Variants in CIRSR observed in about 807,000 individuals in gnomAD.
The protein encoded by CIRSR is corepressor of RBPJ and splicing regulator.
chr2:174,380,454 A>C, the CIRSR span, among the ~76,000 whole-genome samples: 1 of 152,180 alleles, frequency 6.6e-6, no homozygotes, highest in Non-Finnish European at 1.5e-5. Flanking sequence ...TGTGATATTA[A>C]AAAAATGAAA....
At chr2:174,378,891 C>A in the CIRSR span, 43 of 1,435,694 alleles carry the variant, frequency 3.0e-5, no homozygotes, top group South Asian at 4.9e-4. Context: ...CTTGTTTGTC[C>A]TCTCCCGAAA....
At chr2:174,388,719 T>C in the CIRSR span, among the ~76,000 whole-genome samples, 1 of 152,018 alleles carries the variant, frequency 6.6e-6, no homozygotes, top group East Asian at 1.9e-4. Flanking sequence ...AAAATATATA[T>C]AAAATAAAAT....
At chr2:174,375,951 T>C in the CIRSR span, among the ~76,000 whole-genome samples, 1 of 152,210 alleles carries the variant, frequency 6.6e-6, no homozygotes, top group Non-Finnish European at 1.5e-5. Context: ...CTCAACCTTC[T>C]GGCTCAAACA....
chr2:174,395,698 T>C, the CIRSR span: 1 of 1,612,642 alleles, frequency 6.2e-7, no homozygotes, highest in South Asian at 1.1e-5. Context: ...TAACCGGAAC[T>C]GCGTTTCCAG....
At chr2:174,386,968 TG>T in the CIRSR span, among the ~76,000 whole-genome samples, 1 of 152,200 alleles carries the variant, frequency 6.6e-6, no homozygotes, top group Non-Finnish European at 1.5e-5. Flanking sequence ...TACCACTTAT[TG>T]CCATGCATGG....
At chr2:174,377,185 C>G in the CIRSR span, among the ~76,000 whole-genome samples, 39 of 152,148 alleles carry the variant, frequency 2.6e-4, 1 homozygote, top group Non-Finnish European at 8.8e-5. Context: ...AGATGCAACC[C>G]TTTCCAGAAA....
chr2:174,373,155 T>G, the CIRSR span, among the ~76,000 whole-genome samples: 1 of 152,220 alleles, frequency 6.6e-6, no homozygotes, highest in Non-Finnish European at 1.5e-5. Context: ...TTTTAAATCA[T>G]AATTTTATCA....
the CIRSR span, among the ~76,000 whole-genome samples, chr2:174,354,835 C>T: frequency 7.2e-6 from 1 of 138,400 alleles, no homozygotes; most frequent in South Asian, 2.2e-4. Context: ...TGCCTCAGCT[C>T]AAATAATACA....
the CIRSR span, chr2:174,349,101 C>G: frequency 6.6e-7 from 1 of 1,519,510 alleles, no homozygotes; most frequent in Non-Finnish European, 8.8e-7. Flanking sequence ...TTTGTGTTTA[C>G]TTCTGCTCTT....
the CIRSR span, chr2:174,395,684 C>A: frequency 6.2e-7 from 1 of 1,613,252 alleles, no homozygotes; most frequent in East Asian, 2.2e-5. Context: ...CAAACTCAGC[C>A]GCCTAACCGG....
chr2:174,388,001 A>G, the CIRSR span, among the ~76,000 whole-genome samples: 3 of 152,240 alleles, frequency 2.0e-5, no homozygotes, highest in Non-Finnish European at 4.4e-5. Context: ...GCTAAAAAAA[A>G]GAAAAGGGCA....
chr2:174,377,871 A>G, the CIRSR span, among the ~76,000 whole-genome samples: 24 of 149,934 alleles, frequency 1.6e-4, 1 homozygote, highest in Admixed American at 1.6e-3. Context: ...TCAAATTCCT[A>G]AACCCCTAAT....
the CIRSR span, among the ~76,000 whole-genome samples, chr2:174,367,753 AAAAAAAAAAAAAGACTATTTGAGTAGAT>A: frequency 2.7e-5 from 4 of 149,098 alleles, no homozygotes; most frequent in African/African-American, 1.0e-4. Flanking sequence ...CTTAAAAAAA[AAAAAAAAAAAAAGACTATTTGAGTAGAT>A]AAAAAAAAAA....
chr2:174,390,656 T>C, the CIRSR span, among the ~76,000 whole-genome samples: 1 of 151,790 alleles, frequency 6.6e-6, no homozygotes, highest in East Asian at 1.9e-4. Flanking sequence ...CCCCACCCAA[T>C]CTCATCTTGA....
At chr2:174,385,233 A>ACC in the CIRSR span, among the ~76,000 whole-genome samples, 32 of 143,954 alleles carry the variant, frequency 2.2e-4, no homozygotes, top group Admixed American at 2.3e-3. Context: ...AAAAAAAAAA[A>ACC]AAAATTTTTT....
At chr2:174,356,478 A>G in the CIRSR span, among the ~76,000 whole-genome samples, 1 of 151,480 alleles carries the variant, frequency 6.6e-6, no homozygotes, top group Non-Finnish European at 1.5e-5. Context: ...AAAGACAGAC[A>G]GAAAAAAAGA....
At chr2:174,383,814 A>G in the CIRSR span, among the ~76,000 whole-genome samples, 1 of 150,790 alleles carries the variant, frequency 6.6e-6, no homozygotes, top group African/African-American at 2.4e-5. Flanking sequence ...AATCACAATG[A>G]GATATCACCT....
At chr2:174,380,259 T>C in the CIRSR span, 1 of 1,580,364 alleles carries the variant, frequency 6.3e-7, no homozygotes, top group Non-Finnish European at 8.6e-7. Flanking sequence ...ATCTATTAAA[T>C]AGAGGAAATG....
chr2:174,352,933 T>G, the CIRSR span, among the ~76,000 whole-genome samples: 2 of 152,252 alleles, frequency 1.3e-5, no homozygotes, highest in African/African-American at 4.8e-5. Flanking sequence ...ACTGCTTTGT[T>G]GGTCTTTTAC....
Sources: allele counts gnomAD v4.1 joint callset (sites outside exome capture counted in the v4.1 genomes callset), GRCh38; gene constraint gnomAD v4.1.1; transcripts MANE v1.5; gene names NCBI Gene and HGNC (gene_info 2026-07-23, HGNC 2026-07-21).